Variants in CRLF3 observed in about 807,000 individuals in gnomAD.
CRLF3 encodes the protein cytokine receptor-like factor 3.
CRLF3 carries 33 observed loss-of-function variants against 55.0 expected under a neutral mutation model. The ratio of observed to expected loss-of-function variants is 0.60; its 90% CI spans 0.46 to 0.80. The LOEUF is 0.80. CRLF3 is among the 30% of genes least tolerant of loss of function. CRLF3 has a pLI of 0.00. For synonymous variants in CRLF3, 238 were observed against 196.8 expected, an observed-to-expected ratio of 1.21 and a Z score of -1.75; for missense variants, 494 against 538.4, an observed-to-expected ratio of 0.92 and a Z score of 0.82.
At position 30,783,136 on chromosome 17, in the gene CRLF3, G is replaced by A. The variant is rs1263998029; in HGVS notation, c.*1051C>T. The A allele has an allele frequency of 1.3e-5, 2 of 152,182 alleles. No individual in the cohort carries two copies. The allele number at this position is 152,182 out of a possible 1,614,324, so 9.4% of individuals were successfully genotyped here. ...ATTCTCTGCAAAGAGTAAAATGCATGTCACAGGCAGATTGGATACACACGT... is the reference window on the plus strand; with the variant it reads ...ATTCTCTGCAAAGAGTAAAATGCATATCACAGGCAGATTGGATACACACGT... On this transcript the variant is annotated 3_prime_UTR_variant, in exon 8 of 8. Coordinates refer to ENST00000324238, the MANE Select transcript of CRLF3 (RefSeq NM_015986.4).
chr17:30,805,898 C>G (rs1904385361), intron 1 of CRLF3, among the ~76,000 whole-genome samples: 1 of 152,060 alleles, frequency 6.6e-6, no homozygotes, highest in African/African-American at 2.4e-5. Flanking sequence ...TGGCACATGC[C>G]TGTAGTCCCA....
At chr17:30,799,394 C>CT (rs1971970683) in intron 2 of CRLF3, among the ~76,000 whole-genome samples, 1 of 152,312 alleles carries the variant, frequency 6.6e-6, no homozygotes, top group African/African-American at 2.4e-5. Flanking sequence ...GAGTCTCACT[C>CT]TGTCACCCAG....
chr17:30,812,129 AATAAAAATAAAG>A (rs1338029256), intron 1 of CRLF3, among the ~76,000 whole-genome samples: 2 of 152,116 alleles, frequency 1.3e-5, no homozygotes, highest in Non-Finnish European at 2.9e-5. Context: ...TAAAAATAAA[AATAAAAATAAAG>A]ACAAAGATAA....
chr17:30,797,508 G>A (rs1971936561), intron 2 of CRLF3, 110 bp from the exon 3 acceptor site: 1 of 803,262 alleles, frequency 1.2e-6, no homozygotes, highest in Non-Finnish European at 2.1e-6. Flanking sequence ...AAGTTCTTAA[G>A]TGATGCCACA....
At chr17:30,823,625 T>C (rs1390821940) in intron 1 of CRLF3, among the ~76,000 whole-genome samples, 2 of 151,838 alleles carry the variant, frequency 1.3e-5, no homozygotes, top group Non-Finnish European at 2.9e-5. Flanking sequence ...GTTGCGTTAA[T>C]AGTACTCTGA....
chr17:30,802,405 CCACCGTGCCCGG>C (rs1972020809), intron 2 of CRLF3, among the ~76,000 whole-genome samples: 1 of 151,654 alleles, frequency 6.6e-6, no homozygotes, highest in Admixed American at 6.6e-5. Context: ...CAGGCGTGAG[CCACCGTGCCCGG>C]CCTTTATTCT....
intron 1 of CRLF3, among the ~76,000 whole-genome samples, chr17:30,808,740 G>GCC (rs1904515652): frequency 6.6e-6 from 1 of 151,900 alleles, no homozygotes; most frequent in Non-Finnish European, 1.5e-5. Flanking sequence ...TTACAGGCAT[G>GCC]CGCCACCAAG....
At chr17:30,802,923 G>T (rs1972029847) in intron 2 of CRLF3, among the ~76,000 whole-genome samples, 1 of 151,952 alleles carries the variant, frequency 6.6e-6, no homozygotes. Context: ...CCAGCACTTT[G>T]GGAGGCCAAG....
intron 6 of CRLF3, chr17:30,786,540 A>C (rs963973317): frequency 6.6e-6 from 1 of 152,128 alleles, no homozygotes; most frequent in Non-Finnish European, 1.5e-5. Flanking sequence ...TCCAGCCGGT[A>C]GGTGCTATTT....
chr17:30,786,182 G>T, intron 6 of CRLF3, 151 bp from the exon 7 acceptor site: 1 of 565,058 alleles, frequency 1.8e-6, no homozygotes, highest in Non-Finnish European at 3.1e-6. Flanking sequence ...TATACTCCAG[G>T]CACTGTTCTA....
In CRLF3 at chr17:30,793,568, T is replaced by C. The variant is rs1261331722; in HGVS notation, c.708A>G (p.Val236=). Residue 236 remains valine (V), a synonymous_variant, in exon 5 of 8, where the codon GTA becomes GTG. Transcript: ENST00000324238. Reference sequence around the variant, plus strand: ...AATCAACGTTGGGGTCTATGTGCAATACTATGAATTCAGTTTCAGAACCTA... The same window carrying C: ...AATCAACGTTGGGGTCTATGTGCAACACTATGAATTCAGTTTCAGAACCTA... The part of the protein sequence containing the change: ...VYVGSETEFI[V]LHIDPNVDYQ... The C allele has an allele frequency of 4.3e-6, 7 of 1,613,932 alleles. No homozygotes were observed. Among genetic ancestry groups the C allele is most frequent in the East Asian group, 2.2e-5 (1 of 44,900 alleles).
At chr17:30,804,726 A>G (rs1163173581) in intron 1 of CRLF3, among the ~76,000 whole-genome samples, 1 of 152,110 alleles carries the variant, frequency 6.6e-6, no homozygotes, top group Non-Finnish European at 1.5e-5. Context: ...TGATAAACCA[A>G]ATGTGATTCA....
chr17:30,804,606 T>A (rs1374680641), intron 1 of CRLF3, among the ~76,000 whole-genome samples: 35 of 152,346 alleles, frequency 2.3e-4, no homozygotes, highest in African/African-American at 8.4e-4. Context: ...CTGGCTTATT[T>A]CACTTAGCAT....
intron 6 of CRLF3, among the ~76,000 whole-genome samples, chr17:30,788,625 T>TG (rs1491478393): frequency 3.2e-5 from 4 of 124,844 alleles, no homozygotes; most frequent in Non-Finnish European, 5.0e-5. Context: ...TTTTTTTTTT[T>TG]GAGACAGCAT....
At chr17:30,791,267 C>T (rs1971794079) in intron 6 of CRLF3, among the ~76,000 whole-genome samples, 1 of 151,890 alleles carries the variant, frequency 6.6e-6, no homozygotes, top group Non-Finnish European at 1.5e-5. Context: ...GATGGGGTTT[C>T]ACCATGTTGG....
intron 2 of CRLF3, among the ~76,000 whole-genome samples, chr17:30,803,222 G>C (rs909228391): frequency 1.3e-5 from 2 of 151,848 alleles, no homozygotes; most frequent in Non-Finnish European, 1.5e-5. Context: ...GAAGATAAAT[G>C]CTTGAGAGAA....
At chr17:30,792,744 A>AAAAAAG in intron 5 of CRLF3, 172 bp from the exon 6 acceptor site, 1 of 415,464 alleles carries the variant, frequency 2.4e-6, no homozygotes. Context: ...CACAAATTAC[A>AAAAAAG]AAAGATTTTA....
intron 1 of CRLF3, among the ~76,000 whole-genome samples, chr17:30,818,763 C>G (rs1220771056): frequency 6.8e-6 from 1 of 147,330 alleles, no homozygotes; most frequent in East Asian, 2.1e-4. Flanking sequence ...CAACAGCTTT[C>G]TTTTCTTTGC....
intron 2 of CRLF3, among the ~76,000 whole-genome samples, chr17:30,798,195 T>G (rs868034350): frequency 6.6e-6 from 1 of 151,928 alleles, no homozygotes; most frequent in Admixed American, 6.6e-5. Flanking sequence ...CTGGCCAACA[T>G]GGTGAAACCC....
Sources: gnomAD v4.1 joint callset for allele counts (sites outside exome capture counted in the v4.1 genomes callset) on GRCh38, gnomAD v4.1.1 for gene constraint, MANE v1.5 for transcripts, NCBI Gene and HGNC (gene_info 2026-07-23, HGNC 2026-07-21) for gene names.